The following GABRE variants were observed in gnomAD, a reference collection of about 807,000 sequenced individuals.
GABRE encodes gamma-aminobutyric acid type A receptor subunit epsilon.
In GABRE, 20 loss-of-function variants were observed where a neutral mutation model predicts 31.0. The observed-to-expected ratio is 0.64, with a 90% CI of 0.45 to 0.94. The LOEUF (loss-of-function observed/expected upper bound fraction) is 0.94, where lower values mean the gene tolerates loss of function less well. Among genes scored for constraint, GABRE ranks in the 40% least tolerant of loss-of-function variants. GABRE has a pLI of 0.00. For missense variants in GABRE, 420 were observed against 410.7 expected (o/e 1.02, Z -0.20); for synonymous variants, 155 against 150.6 (o/e 1.03, Z -0.21).
At chrX:151,958,924 C>T in intron 6 of GABRE, 1 of 311,679 alleles carries the variant, frequency 3.2e-6, no homozygotes, top group Non-Finnish European at 6.4e-6. Flanking sequence ...CAGAGACTGA[C>T]TCAATAAATG....
chrX:151,967,523 C>T (rs1245119251), intron 3 of GABRE, among the ~76,000 whole-genome samples: 1 of 112,107 alleles, frequency 8.9e-6, no homozygotes, highest in African/African-American at 3.2e-5. Context: ...AATGGTGGGA[C>T]CACAAGCCCT....
In GABRE at chrX:151,959,833, G is replaced by A. The variant is rs746634401; in HGVS notation, c.784+6C>T. 2.7e-5 allele frequency: 33 copies of A among 1,207,375 alleles called. No homozygotes were observed. The highest frequency in any genetic ancestry group is 1.2e-4 in the East Asian group (4 of 33,709). On this transcript the variant is annotated splice_donor_region_variant and intron_variant, in intron 6 of 8. Coordinates refer to ENST00000370328, the MANE Select transcript of GABRE (RefSeq NM_004961.4). ...CTGGACTTCCGCCAAGCCCTGGCAC[G>A]CTTACCAACTGGGGTTGTGATTATT...
rs1262238964 is a variant in GABRE, at chrX:151,970,294, C to T, written c.165G>A (p.Lys55=). 2.0e-5 allele frequency: 24 copies of T among 1,210,697 alleles called. No homozygotes were observed. The highest frequency in any genetic ancestry group is 2.3e-4 in the Middle Eastern group (1 of 4,274). The change falls in exon 2 of 9, where the codon AAG becomes AAA. Residue 55 remains lysine (K), a synonymous_variant. Transcript: ENST00000370328. The part of the protein sequence containing the change: ...LENQLLSEET[K]STETETGSRV... ...TGCTCCCAGTCTCAGTCTCAGTTGA[C>T]TTTGTTTCCTCAGAGAGGAGCTGAT...
chrX:151,962,386 G>C (rs1934408367), intron 4 of GABRE, 37 bp downstream of exon 4: 23 of 1,108,952 alleles, frequency 2.1e-5, no homozygotes, highest in Non-Finnish European at 2.7e-5. Flanking sequence ...AGGGGAGAGA[G>C]AATTCCAGGA....
At position 151,954,266 on chromosome X, in the gene GABRE, T is replaced by C. The variant is rs1934057026; in HGVS notation, c.*435A>G. The C allele has an allele frequency of 8.3e-6, 1 of 120,775 alleles. No homozygotes were observed. Among genetic ancestry groups the C allele is most frequent in the African/African-American group, 3.2e-5 (1 of 31,143 alleles). The allele number at this position is 120,775 out of a possible 1,213,427, so 10.0% of individuals were successfully genotyped here. On this transcript the variant is annotated 3_prime_UTR_variant, in exon 9 of 9. Coordinates refer to ENST00000370328, the MANE Select transcript of GABRE (RefSeq NM_004961.4). Reference sequence around the variant, plus strand: ...TAGGCAAGCAACTAGTCGGTGCACTTTGAGGCTGAGGCCAGAACTGGGCCG... The same window carrying C: ...TAGGCAAGCAACTAGTCGGTGCACTCTGAGGCTGAGGCCAGAACTGGGCCG...
Position 151,954,655 on chromosome X carries a change from CT to C in GABRE, c.*45del, listed in dbSNP as rs774336124. 9.5e-7 allele frequency: 1 copy of C among 1,051,275 alleles called. No homozygotes were observed. Among genetic ancestry groups the C allele is most frequent in the Admixed American group, 2.9e-5 (1 of 34,525 alleles). The allele number at this position is 1,051,275 out of a possible 1,213,427, so 86.6% of individuals were successfully genotyped here. A position where few individuals can be genotyped will look rare whatever the true frequency, so the allele number is the denominator to read the frequency against. ...AACTCCCTTGGCAAGGGGCTTGGAC[CT>C]CCTGGGGAACTGGAGAGGTTGCCCC... On this transcript the variant is annotated 3_prime_UTR_variant, in exon 9 of 9. Coordinates refer to ENST00000370328, the MANE Select transcript of GABRE (RefSeq NM_004961.4).
In GABRE at chrX:151,970,326, G is replaced by A. The variant is rs1569455632; in HGVS notation, c.133C>T (p.Leu45=). Residue 45 remains leucine, a synonymous_variant, in exon 2 of 9, where the codon CTG becomes TTG. Transcript: ENST00000370328. ...TCCTCAGAGAGGAGCTGATTTTCCA[G>A]AGGCTGGGGCTGGGGGCCATAGACA... is the stretch of plus-strand genomic sequence containing the variant. ...DVVYGPQPQP[L]ENQLLSEETK... is the part of the protein sequence containing the mutation. The A allele has an allele frequency of 8.3e-7, 1 of 1,211,871 alleles. No individual in the cohort carries two copies. Among genetic ancestry groups the A allele is most frequent in the South Asian group, 1.8e-5 (1 of 56,964 alleles).
Position 151,953,167 on chromosome X carries a change from G to A in GABRE, c.*1534C>T, listed in dbSNP as rs749013059. 2 of 111,639 alleles carry A rather than the reference G, an allele frequency of 1.8e-5. No homozygotes were observed. Among genetic ancestry groups the A allele is most frequent in the South Asian group, 7.6e-4 (2 of 2,620 alleles). The allele number at this position is 111,639 out of a possible 1,213,427, so 9.2% of individuals were successfully genotyped here. On this transcript the variant is annotated 3_prime_UTR_variant, in exon 9 of 9. Transcript: ENST00000370328. ...ATTTACATATTTCCCCATTTCAGATGATGGTGACAAAAAGTAGATGGAGAC... is the reference window on the plus strand; with the variant it reads ...ATTTACATATTTCCCCATTTCAGATAATGGTGACAAAAAGTAGATGGAGAC...
intron 1 of GABRE, among the ~76,000 whole-genome samples, chrX:151,974,306 C>A (rs1298676955): frequency 8.9e-6 from 1 of 111,862 alleles, no homozygotes. Context: ...AATCCGCGAA[C>A]TGGAGTCCCG....
At chrX:151,973,937 G>A (rs1934804622) in intron 1 of GABRE, among the ~76,000 whole-genome samples, 1 of 111,216 alleles carries the variant, frequency 9.0e-6, no homozygotes, top group African/African-American at 3.3e-5. Context: ...GCGGTGGAGA[G>A]GGGGCATAGC....
chrX:151,955,113 A>C, intron 8 of GABRE, 29 bp from the exon 9 acceptor site: 1 of 1,195,142 alleles, frequency 8.4e-7, no homozygotes, highest in South Asian at 1.8e-5. Flanking sequence ...GAAGTGGGGA[A>C]AAGTCAAGGG....
intron 8 of GABRE, 31 bp from the exon 9 acceptor site, chrX:151,955,115 A>G (rs199997818): frequency 1.7e-6 from 2 of 1,191,172 alleles, no homozygotes; most frequent in African/African-American, 3.5e-5. Flanking sequence ...AGTGGGGAAA[A>G]GTCAAGGGAA....
rs1934405360 is a variant in GABRE, at chrX:151,962,287, G to T, written c.563+136C>A. On this transcript the variant is annotated intron_variant, in intron 4 of 8. Transcript: ENST00000370328. ...TATATCTGTTACATAAGGGGGCTGA[G>T]CTCATGGTCTAGGAAAGCTGGACAG... 3 of 539,784 alleles carry T rather than the reference G, an allele frequency of 5.6e-6. No individual in the cohort carries two copies. In the Admixed American group the frequency reaches 1.0e-4, roughly 18 times the overall value. The allele number at this position is 539,784 out of a possible 1,213,427, so 44.5% of individuals were successfully genotyped here.
Position 151,953,316 on chromosome X carries a change from C to A in GABRE, c.*1385G>T, listed in dbSNP as rs1320131831. 1.8e-5 allele frequency: 2 copies of A among 111,243 alleles called. No homozygotes were observed. The highest frequency in any genetic ancestry group is 3.8e-5 in the Non-Finnish European group (2 of 53,044). 9.2% of individuals were successfully genotyped at this position (111,243 alleles called of 1,213,427 possible). Reference sequence around the variant, plus strand: ...GCCAGGAGAGATTTGATCTTGGGGGCAGTCTGAGCACCTCAGGCCCAGAAA... The same window carrying A: ...GCCAGGAGAGATTTGATCTTGGGGGAAGTCTGAGCACCTCAGGCCCAGAAA... On this transcript the variant is annotated 3_prime_UTR_variant, in exon 9 of 9. Coordinates refer to ENST00000370328, the MANE Select transcript of GABRE (RefSeq NM_004961.4).
chrX:151,956,118 A>C, intron 6 of GABRE: 1 of 338,884 alleles, frequency 3.0e-6, no homozygotes, highest in Admixed American at 5.1e-5. Flanking sequence ...CCTACACCCA[A>C]TGTCTGTCTC....
At chrX:151,970,789 G>C (rs1242711563) in intron 1 of GABRE, among the ~76,000 whole-genome samples, 1 of 112,595 alleles carries the variant, frequency 8.9e-6, no homozygotes, top group Non-Finnish European at 1.9e-5. Flanking sequence ...GGAGCAGGCA[G>C]AGGGCCAGGG....
At chrX:151,961,862 G>C (rs145242802) in intron 4 of GABRE, among the ~76,000 whole-genome samples, 271 of 111,019 alleles carry the variant, frequency 2.4e-3, no homozygotes, top group African/African-American at 8.5e-3. Flanking sequence ...AAACAGCTTA[G>C]AAGTATCTGG....
At chrX:151,970,898 T>C (rs755298972) in intron 1 of GABRE, among the ~76,000 whole-genome samples, 5 of 111,095 alleles carry the variant, frequency 4.5e-5, no homozygotes, top group Non-Finnish European at 9.4e-5. Flanking sequence ...TAATACTCGT[T>C]GCACTGGGGG....
chrX:151,965,715 C>T (rs753166029), intron 3 of GABRE, among the ~76,000 whole-genome samples: 5 of 113,087 alleles, frequency 4.4e-5, no homozygotes, highest in South Asian at 7.2e-4. Context: ...ACCATGGAGG[C>T]GGGCACAGCC....
Sources: gnomAD v4.1 joint callset for allele counts (sites outside exome capture counted in the v4.1 genomes callset) on GRCh38, gnomAD v4.1.1 for gene constraint, MANE v1.5 for transcripts, NCBI Gene and HGNC (gene_info 2026-07-23, HGNC 2026-07-21) for gene names.